Variants in TMEM120B observed in about 807,000 individuals in gnomAD.
TMEM120B encodes the protein transmembrane protein 120B.
In TMEM120B, 31 loss-of-function variants were observed where a neutral mutation model predicts 55.5. That is an observed-to-expected ratio of 0.56 (90% CI 0.42 to 0.75). The LOEUF is 0.75. Among genes scored for constraint, TMEM120B ranks in the 30% least tolerant of loss-of-function variants. TMEM120B has a pLI of 0.00. For missense variants in TMEM120B, 399 were observed against 425.5 expected (o/e 0.94, Z 0.55); for synonymous variants, 203 against 176.3 (o/e 1.15, Z -1.20).
Position 121,743,690 on chromosome 12 carries a change from G to A in TMEM120B, c.131G>A (p.Ser44Asn), listed in dbSNP as rs1341581930. The stretch of plus-strand genomic sequence containing the variant: ...CTGGCTGCGCTGCAGACGCTGTGTA[G>A]CAGTTCCATCAGTAAGCAGAAGAAG... ...EELAALQTLC[S>N]SSISKQKKHL... Residue 44 changes from serine to asparagine, a missense_variant, in exon 2 of 12, where the codon AGC becomes AAC. Coordinates refer to ENST00000449592, the MANE Select transcript of TMEM120B (RefSeq NM_001080825.2). 7 of 1,613,612 alleles carry A rather than the reference G, an allele frequency of 4.3e-6. No individual in the cohort carries two copies. Among genetic ancestry groups the A allele is most frequent in the Non-Finnish European group, 5.9e-6 (7 of 1,179,998 alleles).
rs997741820 is a variant in TMEM120B at position 121,780,459 on chromosome 12, C to T, written c.*4737C>T. 9 of 308,150 alleles carry T rather than the reference C, an allele frequency of 2.9e-5. No homozygotes were observed. The highest frequency in any genetic ancestry group is 4.8e-5 in the Non-Finnish European group (8 of 165,476). The allele number at this position is 308,150 out of a possible 1,614,324, so 19.1% of individuals were successfully genotyped here. On this transcript the variant is annotated 3_prime_UTR_variant, in exon 12 of 12. Coordinates refer to ENST00000449592, the MANE Select transcript of TMEM120B (RefSeq NM_001080825.2). ...CCCATGCCTCACCCAAAGAGTTGCACGGTCAATTGGCCCGTGAAGGGGACG... is the reference window on the plus strand; with the variant it reads ...CCCATGCCTCACCCAAAGAGTTGCATGGTCAATTGGCCCGTGAAGGGGACG...
rs557329299 is a variant in TMEM120B at position 121,740,977 on chromosome 12, G to A, written c.70-2652G>A. 8.0e-4 allele frequency among the ~76,000 whole-genome samples: 122 copies of A among 152,152 alleles called. 1 individual carries two copies. Among genetic ancestry groups the A allele is most frequent in the Middle Eastern group, 6.8e-3 (2 of 294 alleles). ...TGTTAGAGTCCCAGCACAGCCACAGGGAATATTTGAATGGGTGGGTGTGGC... is the reference window on the plus strand; with the variant it reads ...TGTTAGAGTCCCAGCACAGCCACAGAGAATATTTGAATGGGTGGGTGTGGC... On this transcript the variant is annotated intron_variant, in intron 1 of 11. Transcript: ENST00000449592.
At chr12:121,734,909 A>G (rs1305075050) in intron 1 of TMEM120B, among the ~76,000 whole-genome samples, 3 of 151,534 alleles carry the variant, frequency 2.0e-5, no homozygotes, top group South Asian at 4.2e-4. Flanking sequence ...GCAAAACTAC[A>G]TCTCAAAAAA....
rs60282131 is a variant in TMEM120B, at chr12:121,726,297, C to T, written c.69+13333C>T. On this transcript the variant is annotated intron_variant, in intron 1 of 11. Coordinates refer to ENST00000449592, the MANE Select transcript of TMEM120B (RefSeq NM_001080825.2). ...AATGAAGTTGTTAAAAATAATGCTT[C>T]GGCTGGGCGCAGTGGCTCACGCCTG... Among the ~76,000 whole-genome samples the T allele has an allele frequency of 9.2e-3, 1,390 of 151,470 alleles. 31 individuals are homozygous for T. Among genetic ancestry groups the T allele is most frequent in the African/African-American group, 0.032 (1,317 of 41,398 alleles).
At chr12:121,741,405 C>T (rs1872929874) in intron 1 of TMEM120B, among the ~76,000 whole-genome samples, 1 of 152,172 alleles carries the variant, frequency 6.6e-6, no homozygotes, top group African/African-American at 2.4e-5. Context: ...TCTCGGCTCA[C>T]CACAACCTGT....
Position 121,779,486 on chromosome 12 carries a change from G to T in TMEM120B, c.*3764G>T. The T allele has an allele frequency of 6.2e-7, 1 of 1,610,090 alleles. No individual in the cohort carries two copies. Among genetic ancestry groups the T allele is most frequent in the Non-Finnish European group, 8.5e-7 (1 of 1,179,876 alleles). ...CCCTGTCAGTGCTGTCGTGAGGTCTGTCTGCCCTGGGTCAGAGCAGCAGGC... is the reference window on the plus strand; with the variant it reads ...CCCTGTCAGTGCTGTCGTGAGGTCTTTCTGCCCTGGGTCAGAGCAGCAGGC... On this transcript the variant is annotated 3_prime_UTR_variant, in exon 12 of 12. Transcript: ENST00000449592.
At chr12:121,769,863 G>T (rs1032718715) in intron 6 of TMEM120B, among the ~76,000 whole-genome samples, 1 of 152,088 alleles carries the variant, frequency 6.6e-6, no homozygotes, top group Non-Finnish European at 1.5e-5. Context: ...GGGAGAGGGG[G>T]CAGATCACAG....
intron 5 of TMEM120B, among the ~76,000 whole-genome samples, chr12:121,757,679 GCTA>G (rs1481578302): frequency 6.6e-6 from 1 of 152,150 alleles, no homozygotes; most frequent in Non-Finnish European, 1.5e-5. Context: ...ACCATGCCCG[GCTA>G]CTTTTTTGTA....
At chr12:121,767,035 G>A (rs2137336430) in intron 6 of TMEM120B, among the ~76,000 whole-genome samples, 2 of 152,266 alleles carry the variant, frequency 1.3e-5, no homozygotes, top group East Asian at 3.9e-4. Flanking sequence ...TGTCCTGAAG[G>A]GAGAAGTCTA....
At chr12:121,736,114 T>A (rs1021463890) in intron 1 of TMEM120B, among the ~76,000 whole-genome samples, 2 of 152,124 alleles carry the variant, frequency 1.3e-5, no homozygotes, top group Non-Finnish European at 2.9e-5. Flanking sequence ...AATGGAAGCT[T>A]ACCTAGCTTC....
chr12:121,733,601 G>A lies in TMEM120B; in HGVS notation c.70-10028G>A, dbSNP rs187691081. ...GTTGCCCAGGCCGGAGTGCAATGGTGTGACCTCGGCTCACTGCAGCCTCTG... is the reference window on the plus strand; with the variant it reads ...GTTGCCCAGGCCGGAGTGCAATGGTATGACCTCGGCTCACTGCAGCCTCTG... On this transcript the variant is annotated intron_variant, in intron 1 of 11. Transcript: ENST00000449592. Among the ~76,000 whole-genome samples the A allele has an allele frequency of 2.6e-3, 388 of 148,636 alleles. 3 individuals carry two copies. The highest frequency in any genetic ancestry group is 4.9e-3 in the Non-Finnish European group (334 of 67,494).
chr12:121,767,318 G>A (rs1282416102), intron 6 of TMEM120B, among the ~76,000 whole-genome samples: 1 of 152,116 alleles, frequency 6.6e-6, no homozygotes, highest in Non-Finnish European at 1.5e-5. Flanking sequence ...CCGCCACCAC[G>A]CCCGGCTAAT....
intron 6 of TMEM120B, among the ~76,000 whole-genome samples, chr12:121,768,625 C>T (rs1294773842): frequency 1.3e-5 from 2 of 152,240 alleles, no homozygotes; most frequent in Non-Finnish European, 2.9e-5. Flanking sequence ...CCCCAGCCTC[C>T]ACCTCCCAGT....
In TMEM120B at chr12:121,778,091, T is replaced by C. The variant is rs1874303818; in HGVS notation, c.*2369T>C. On this transcript the variant is annotated 3_prime_UTR_variant, in exon 12 of 12. Transcript: ENST00000449592. ...TCCCATCTTAGGCGACACCGACTCC[T>C]AGGCGCCCTCCAGAGCCAAGCAGCT... The C allele has an allele frequency of 6.6e-6, 1 of 152,168 alleles. No individual in the cohort carries two copies. Among genetic ancestry groups the C allele is most frequent in the African/African-American group, 2.4e-5 (1 of 41,432 alleles). The allele number at this position is 152,168 out of a possible 1,614,324, so 9.4% of individuals were successfully genotyped here. A position where few individuals can be genotyped will look rare whatever the true frequency, so the allele number is the denominator to read the frequency against.
rs147879555 is a variant in TMEM120B at position 121,741,159 on chromosome 12, G to A, written c.70-2470G>A. Among the ~76,000 whole-genome samples, 720 of 152,098 alleles carry A rather than the reference G, an allele frequency of 4.7e-3. 7 individuals carry two copies. Among genetic ancestry groups the A allele is most frequent in the South Asian group, 0.024 (114 of 4,816 alleles). ...TAGGTAGCCAGACTTGGCCTGCGGC[G>A]GTGGTTTACGAATGCCTGCTTGATA... is the stretch of plus-strand genomic sequence containing the variant. On this transcript the variant is annotated intron_variant, in intron 1 of 11. Transcript: ENST00000449592.
chr12:121,761,567 T>C (rs1873677904), intron 5 of TMEM120B, 82 bp from the exon 6 acceptor site: 7 of 1,055,294 alleles, frequency 6.6e-6, no homozygotes, highest in Non-Finnish European at 1.0e-5. Context: ...CAGCCTGGTT[T>C]GCTGCTCTGT....
At chr12:121,734,787 C>A (rs1021543251) in intron 1 of TMEM120B, among the ~76,000 whole-genome samples, 1 of 151,876 alleles carries the variant, frequency 6.6e-6, no homozygotes, top group African/African-American at 2.4e-5. Flanking sequence ...ATGGCAGGTG[C>A]CTGTAATCCC....
At chr12:121,774,609 G>C in intron 9 of TMEM120B, 49 bp from the exon 10 acceptor site, 1 of 1,588,690 alleles carries the variant, frequency 6.3e-7, no homozygotes, top group Non-Finnish European at 8.6e-7. Context: ...GGAGCTGTGG[G>C]GGCAGCGGAC....
chr12:121,748,593 A>C, intron 3 of TMEM120B, 151 bp downstream of exon 3: 1 of 559,020 alleles, frequency 1.8e-6, no homozygotes, highest in Non-Finnish European at 3.2e-6. Flanking sequence ...TTCCTTACAC[A>C]TTCCTCCATG....
Sources: allele counts gnomAD v4.1 joint callset (sites outside exome capture counted in the v4.1 genomes callset), GRCh38; gene constraint gnomAD v4.1.1; transcripts MANE v1.5; gene names NCBI Gene and HGNC (gene_info 2026-07-23, HGNC 2026-07-21).